RASGRF2: variants seen among roughly 807,000 people sequenced by gnomAD.
RASGRF2 encodes Ras protein specific guanine nucleotide releasing factor 2.
In RASGRF2, 76 loss-of-function variants were observed where a neutral mutation model predicts 151.0. The observed-to-expected ratio is 0.50, with a 90% confidence interval of 0.42 to 0.61. The LOEUF is 0.61. Among genes scored for constraint, RASGRF2 ranks in the 20% least tolerant of loss-of-function variants. RASGRF2 has a pLI of 0.00. For synonymous variants in RASGRF2, 504 were observed against 566.5 expected, an observed-to-expected ratio of 0.89 and a Z score of 1.57; for missense variants, 1,148 against 1,564.6, an observed-to-expected ratio of 0.73 and a Z score of 4.49.
intron 26 of RASGRF2, among the ~76,000 whole-genome samples, chr5:81,225,435 C>A (rs111685288): frequency 6.6e-6 from 1 of 150,484 alleles, no homozygotes; most frequent in Non-Finnish European, 1.5e-5. Context: ...TGGGAGAAAA[C>A]AAACCAATTA....
chr5:81,012,483 G>T (rs1364710858), intron 1 of RASGRF2, among the ~76,000 whole-genome samples: 1 of 152,140 alleles, frequency 6.6e-6, no homozygotes, highest in Admixed American at 6.5e-5. Flanking sequence ...CTCAGAGAAG[G>T]AGTTGCTCCC....
chr5:81,179,883 T>C (rs78728036), intron 17 of RASGRF2, among the ~76,000 whole-genome samples: 5,880 of 152,248 alleles, frequency 0.039, 145 homozygotes, highest in African/African-American at 0.055. Flanking sequence ...TATTATAGAG[T>C]AAGACAGGCA....
intron 1 of RASGRF2, among the ~76,000 whole-genome samples, chr5:81,001,059 A>G (rs1749065079): frequency 6.6e-6 from 1 of 152,256 alleles, no homozygotes; most frequent in African/African-American, 2.4e-5. Flanking sequence ...CCTAGGATGC[A>G]TGCAGTCTTA....
intron 12 of RASGRF2, among the ~76,000 whole-genome samples, chr5:81,108,786 G>A (rs747896680): frequency 1.3e-5 from 2 of 148,876 alleles, no homozygotes; most frequent in Non-Finnish European, 3.0e-5. Flanking sequence ...ATACAGTTTT[G>A]GTGTCTGAAT....
At chr5:81,097,993 G>A (rs1433031362) in intron 12 of RASGRF2, among the ~76,000 whole-genome samples, 1 of 152,214 alleles carries the variant, frequency 6.6e-6, no homozygotes, top group Non-Finnish European at 1.5e-5. Context: ...GAGAGTGGAA[G>A]CAGGGAGATG....
At chr5:81,070,252 A>G in intron 3 of RASGRF2, 2 of 399,486 alleles carry the variant, frequency 5.0e-6, no homozygotes, top group South Asian at 5.4e-5. Flanking sequence ...CATTTCTGCT[A>G]GCCCAGATCC....
intron 1 of RASGRF2, among the ~76,000 whole-genome samples, chr5:81,026,489 T>C (rs1172949445): frequency 6.6e-6 from 1 of 152,132 alleles, no homozygotes; most frequent in African/African-American, 2.4e-5. Flanking sequence ...GCCCACATCC[T>C]GGAACCCATG....
At chr5:81,015,884 T>C (rs1749618561) in intron 1 of RASGRF2, among the ~76,000 whole-genome samples, 1 of 152,208 alleles carries the variant, frequency 6.6e-6, no homozygotes, top group Non-Finnish European at 1.5e-5. Flanking sequence ...ATAATGTAAT[T>C]AACCCAATGC....
intron 2 of RASGRF2, among the ~76,000 whole-genome samples, chr5:81,066,895 A>G (rs1375416612): frequency 3.9e-5 from 6 of 152,348 alleles, no homozygotes; most frequent in African/African-American, 1.2e-4. Context: ...GCCATGGCCC[A>G]AGTTCCCAAA....
intron 7 of RASGRF2, among the ~76,000 whole-genome samples, chr5:81,084,641 C>T (rs185501741): frequency 6.4e-4 from 98 of 152,276 alleles, no homozygotes; most frequent in Non-Finnish European, 1.1e-3. Flanking sequence ...ACTCAATAAA[C>T]ATTGGTAAGC....
intron 23 of RASGRF2, among the ~76,000 whole-genome samples, chr5:81,213,458 C>T (rs1397382600): frequency 2.0e-5 from 3 of 152,196 alleles, no homozygotes; most frequent in Non-Finnish European, 4.4e-5. Context: ...CCTCCCCTGC[C>T]TTGCTGTGAA....
intron 1 of RASGRF2, among the ~76,000 whole-genome samples, chr5:80,981,670 A>T (rs780836951): frequency 2.2e-4 from 34 of 151,964 alleles, no homozygotes; most frequent in Admixed American, 9.2e-4. Flanking sequence ...GGTTCAAGTG[A>T]TTCTCATGCC....
At chr5:81,078,125 A>T (rs571594052) in intron 5 of RASGRF2, among the ~76,000 whole-genome samples, 2 of 152,288 alleles carry the variant, frequency 1.3e-5, no homozygotes, top group East Asian at 3.9e-4. Flanking sequence ...TATGGAATGG[A>T]TATATAATAG....
intron 1 of RASGRF2, among the ~76,000 whole-genome samples, chr5:80,974,365 C>T (rs114548386): frequency 6.6e-6 from 1 of 152,246 alleles, no homozygotes; most frequent in Non-Finnish European, 1.5e-5. Flanking sequence ...GCAAGAACAT[C>T]TATCTGCTTT....
intron 17 of RASGRF2, among the ~76,000 whole-genome samples, chr5:81,130,393 T>A (rs1423322798): frequency 6.6e-6 from 1 of 152,118 alleles, no homozygotes; most frequent in African/African-American, 2.4e-5. Flanking sequence ...TGCACAGGGG[T>A]CAGTTTCAAT....
At chr5:81,049,914 C>A (rs1162794034) in intron 2 of RASGRF2, among the ~76,000 whole-genome samples, 1 of 152,144 alleles carries the variant, frequency 6.6e-6, no homozygotes, top group Admixed American at 6.5e-5. Flanking sequence ...ATCTATATAT[C>A]ATCTCTCCCT....
chr5:81,227,122 C>G lies in RASGRF2; in HGVS notation c.*1352C>G, dbSNP rs1432764378. On this transcript the variant is annotated 3_prime_UTR_variant, in exon 27 of 27. Transcript: ENST00000265080. ...GAACCTGTTGCACCTGACATTTTCT[C>G]TTAGCAGCATGAAACTTATTGATGC... 6.6e-6 allele frequency: 1 copy of G among 152,216 alleles called. No homozygotes were observed. The highest frequency in any genetic ancestry group is 1.9e-4 in the East Asian group (1 of 5,198). The allele number at this position is 152,216 out of a possible 1,614,324, so 9.4% of individuals were successfully genotyped here.
At chr5:81,221,918 A>G (rs1045176165) in intron 26 of RASGRF2, among the ~76,000 whole-genome samples, 1 of 152,300 alleles carries the variant, frequency 6.6e-6, no homozygotes, top group Admixed American at 6.5e-5. Flanking sequence ...CAAAGTTTGC[A>G]GTGAGCCAAG....
chr5:80,978,244 T>A (rs1175075005), intron 1 of RASGRF2, among the ~76,000 whole-genome samples: 1 of 152,192 alleles, frequency 6.6e-6, no homozygotes, highest in South Asian at 2.1e-4. Flanking sequence ...ATAATGCAAG[T>A]CCACAGCTTA....
Sources: allele counts gnomAD v4.1 joint callset (sites outside exome capture counted in the v4.1 genomes callset), GRCh38; gene constraint gnomAD v4.1.1; transcripts MANE v1.5; gene names NCBI Gene and HGNC (gene_info 2026-07-23, HGNC 2026-07-21).